Variants in SLC16A9 observed in about 807,000 individuals in gnomAD.
The protein encoded by SLC16A9 is solute carrier family 16 member 9.
In SLC16A9, 26 loss-of-function variants were observed where a neutral mutation model predicts 44.3. That is an observed-to-expected ratio of 0.59 (90% CI 0.43 to 0.81). SLC16A9 has a LOEUF of 0.81. Among genes scored for constraint, SLC16A9 ranks in the 40% least tolerant of loss-of-function variants. SLC16A9 has a pLI of 0.00. For missense variants in SLC16A9, 559 were observed against 595.8 expected (o/e 0.94, Z 0.64); for synonymous variants, 230 against 225.1 (o/e 1.02, Z -0.19).
At chr10:59,672,987 C>G in intron 2 of SLC16A9, 74 bp from the exon 3 acceptor site, 1 of 1,430,388 alleles carries the variant, frequency 7.0e-7, no homozygotes. Context: ...ATTCTTTCCA[C>G]CATAAAACAA....
intron 2 of SLC16A9, among the ~76,000 whole-genome samples, chr10:59,679,519 G>A (rs1839941368): frequency 6.6e-6 from 1 of 152,192 alleles, no homozygotes; most frequent in South Asian, 2.1e-4. Context: ...ACAATTACAA[G>A]CAGAATTTCT....
intron 4 of SLC16A9, among the ~76,000 whole-genome samples, chr10:59,662,509 C>T (rs1839500370): frequency 1.3e-5 from 2 of 151,152 alleles, no homozygotes; most frequent in African/African-American, 4.9e-5. Flanking sequence ...GTGGCAGGCA[C>T]CTGTAATCCC....
At chr10:59,669,512 T>G (rs1384223862) in intron 3 of SLC16A9, among the ~76,000 whole-genome samples, 1 of 152,172 alleles carries the variant, frequency 6.6e-6, no homozygotes, top group Non-Finnish European at 1.5e-5. Context: ...TGCTACAAAA[T>G]CAGGTTTGAA....
At position 59,703,096 on chromosome 10, in the gene SLC16A9, C is replaced by T. The variant is rs1029196153; in HGVS notation, c.-37+6383G>A. 2.0e-5 allele frequency among the ~76,000 whole-genome samples: 3 copies of T among 152,200 alleles called. No homozygotes were observed. The East Asian group carries it at 5.8e-4, about 29-fold the overall frequency. On this transcript the variant is annotated intron_variant, in intron 1 of 5. Transcript: ENST00000395348. The stretch of plus-strand genomic sequence containing the variant: ...TCACACTAATCGTTCCTGAAAGGGA[C>T]AATAAATACAGGTAATTAACTTCTG...
rs1377376908 is a variant in SLC16A9 at position 59,651,724 on chromosome 10, T to C, written c.*1048A>G. 2 of 151,914 alleles carry C rather than the reference T, an allele frequency of 1.3e-5. No individual in the cohort carries two copies. The highest frequency in any genetic ancestry group is 2.9e-5 in the Non-Finnish European group (2 of 67,992). 9.4% of individuals were successfully genotyped at this position (151,914 alleles called of 1,614,324 possible). On this transcript the variant is annotated 3_prime_UTR_variant, in exon 6 of 6. Transcript: ENST00000395348. ...AGGGTATTAATTTCTTATTGCCCTT[T>C]TCCATTCCCATATCCCATGCAGACT...
chr10:59,664,274 T>C lies in SLC16A9; in HGVS notation c.389A>G (p.Gln130Arg), dbSNP rs1249960972. ...LYTATVTITC[Q>R]YFDDRRGLAL... ...TAGGCCTCGGCGATCGTCAAAATAC[T>C]GGCACGTAATGGTCACTGTTGCAGT... The change falls in exon 4 of 6, where the codon CAG (glutamine) becomes CGG (arginine). Residue 130 changes from glutamine to arginine, a missense_variant. Coordinates refer to ENST00000395348, the MANE Select transcript of SLC16A9 (RefSeq NM_194298.3). The C allele has an allele frequency of 2.5e-6, 4 of 1,612,684 alleles. No homozygotes were observed. Among genetic ancestry groups the C allele is most frequent in the Non-Finnish European group, 2.5e-6 (3 of 1,179,148 alleles).
At chr10:59,709,925 G>C (rs1301104587), upstream of SLC16A9, 1 of 153,604 alleles carries the variant, frequency 6.5e-6, no homozygotes, top group Admixed American at 6.5e-5. Flanking sequence ...GGAAAAGCGG[G>C]CGGTAGGGGC....
At chr10:59,676,320 C>A (rs570928244) in intron 2 of SLC16A9, among the ~76,000 whole-genome samples, 3 of 152,270 alleles carry the variant, frequency 2.0e-5, no homozygotes, top group South Asian at 4.2e-4. Flanking sequence ...GTCACATCTG[C>A]AAAATGTGAT....
In SLC16A9 at chr10:59,652,592, C is replaced by T. The variant is rs910892983; in HGVS notation, c.*180G>A. 7.6e-6 allele frequency: 4 copies of T among 525,726 alleles called. No homozygotes were observed. Among genetic ancestry groups the T allele is most frequent in the East Asian group, 3.3e-5 (1 of 30,714 alleles). The allele number at this position is 525,726 out of a possible 1,614,324, so 32.6% of individuals were successfully genotyped here. A position where few individuals can be genotyped will look rare whatever the true frequency, so the allele number is the denominator to read the frequency against. On this transcript the variant is annotated 3_prime_UTR_variant, in exon 6 of 6. Coordinates refer to ENST00000395348, the MANE Select transcript of SLC16A9 (RefSeq NM_194298.3). ...AATAGAAAAAAATACGAGATAGAGG[C>T]TACGCATACACTACATAAAAAATAG...
At chr10:59,707,300 AAGGGAAGGGAAG>A (rs1840663333) in intron 1 of SLC16A9, among the ~76,000 whole-genome samples, 1 of 84,922 alleles carries the variant, frequency 1.2e-5, no homozygotes, top group Admixed American at 1.5e-4. Flanking sequence ...AAGGGAAGGG[AAGGGAAGGGAAG>A]GGAAGGGAAG....
In SLC16A9 at chr10:59,677,330, A is replaced by C. The variant is rs533847615; in HGVS notation, c.197-4417T>G. Among the ~76,000 whole-genome samples, 451 of 151,948 alleles carry C rather than the reference A, an allele frequency of 3.0e-3. 1 individual carries two copies. Among genetic ancestry groups the C allele is most frequent in the Non-Finnish European group, 5.4e-3 (369 of 67,966 alleles). On this transcript the variant is annotated intron_variant, in intron 2 of 5. Coordinates refer to ENST00000395348, the MANE Select transcript of SLC16A9 (RefSeq NM_194298.3). ...GGTCTTAAACTCCTGGTCTCAAGTG[A>C]TCCTCCTGCCTCAGCCTCCCAAAGC...
intron 1 of SLC16A9, among the ~76,000 whole-genome samples, chr10:59,698,600 C>T (rs1048931992): frequency 6.6e-6 from 1 of 152,078 alleles, no homozygotes; most frequent in Non-Finnish European, 1.5e-5. Context: ...CACCCTTCTG[C>T]TGTGCAGCAG....
intron 1 of SLC16A9, among the ~76,000 whole-genome samples, chr10:59,698,926 T>C (rs780660997): frequency 6.6e-6 from 1 of 152,106 alleles, no homozygotes; most frequent in Non-Finnish European, 1.5e-5. Context: ...GTATTTTTAG[T>C]AGAGATGGGG....
intron 1 of SLC16A9, among the ~76,000 whole-genome samples, chr10:59,706,621 G>A (rs962987574): frequency 4.6e-5 from 2 of 43,206 alleles, no homozygotes; most frequent in African/African-American, 1.5e-4. Context: ...AATGGATGAA[G>A]AAATGTGATA....
intron 2 of SLC16A9, among the ~76,000 whole-genome samples, chr10:59,683,149 T>C (rs1840060225): frequency 6.6e-6 from 1 of 152,198 alleles, no homozygotes; most frequent in South Asian, 2.1e-4. Context: ...CCCATAAGAA[T>C]AGAGATTGTG....
chr10:59,657,164 A>G (rs1002083282), intron 4 of SLC16A9, among the ~76,000 whole-genome samples: 6 of 152,212 alleles, frequency 3.9e-5, no homozygotes, highest in Admixed American at 6.5e-5. Flanking sequence ...TGAAATGTAA[A>G]TTGCACATAA....
intron 1 of SLC16A9, among the ~76,000 whole-genome samples, chr10:59,695,279 G>GT (rs1443761881): frequency 2.6e-5 from 4 of 151,944 alleles, no homozygotes; most frequent in Non-Finnish European, 5.9e-5. Context: ...AAGCCATCAA[G>GT]GAATTATACA....
chr10:59,696,924 G>A (rs1167903777), intron 1 of SLC16A9, among the ~76,000 whole-genome samples: 3 of 16,872 alleles, frequency 1.8e-4, no homozygotes, highest in Admixed American at 9.7e-4. Flanking sequence ...CCCCGTCCGG[G>A]AGGGAGGTGG....
At chr10:59,658,321 A>T (rs1008650613) in intron 4 of SLC16A9, among the ~76,000 whole-genome samples, 1 of 151,166 alleles carries the variant, frequency 6.6e-6, no homozygotes, top group South Asian at 2.1e-4. Flanking sequence ...GTTTAGCCTG[A>T]CCACCTGAGA....
Sources: allele counts gnomAD v4.1 joint callset (sites outside exome capture counted in the v4.1 genomes callset), GRCh38; gene constraint gnomAD v4.1.1; transcripts MANE v1.5; gene names NCBI Gene and HGNC (gene_info 2026-07-23, HGNC 2026-07-21).